Variants in SUGCT observed in about 807,000 individuals in gnomAD.
SUGCT encodes succinyl-CoA:glutarate CoA-transferase.
A neutral mutation model predicts 55.0 loss-of-function variants in SUGCT; 41 were observed. The observed-to-expected ratio is 0.74, with a 90% CI of 0.58 to 0.97. SUGCT has a LOEUF of 0.97. Ranked by LOEUF, SUGCT falls within the 50% of genes least tolerant of loss-of-function variation. SUGCT has a pLI of 0.00. For missense variants in SUGCT, 568 were observed against 547.8 expected (o/e 1.04, Z -0.37); for synonymous variants, 187 against 200.4 (o/e 0.93, Z 0.56).
chr7:40,590,634 T>C (rs970042474), intron 12 of SUGCT, among the ~76,000 whole-genome samples: 3 of 152,166 alleles, frequency 2.0e-5, no homozygotes, highest in African/African-American at 4.8e-5. Context: ...GAAGAAGATA[T>C]CATCTGGACT....
At position 40,150,119 on chromosome 7, in the gene SUGCT, T is replaced by C. The variant is rs111640166; in HGVS notation, c.100+14999T>C. ...AAAAATAATTATGGTTTAGGAGTCATGCGGCCGGAGGCTACAAGATTCTGA... is the reference window on the plus strand; with the variant it reads ...AAAAATAATTATGGTTTAGGAGTCACGCGGCCGGAGGCTACAAGATTCTGA... On this transcript the variant is annotated intron_variant, in intron 1 of 13. Transcript: ENST00000335693. Among the ~76,000 whole-genome samples, 564 of 152,226 alleles carry C rather than the reference T, an allele frequency of 3.7e-3. 6 individuals carry two copies. Among genetic ancestry groups the C allele is most frequent in the African/African-American group, 0.012 (510 of 41,526 alleles).
intron 9 of SUGCT, among the ~76,000 whole-genome samples, chr7:40,338,768 C>G (rs1224995574): frequency 1.3e-5 from 2 of 152,216 alleles, no homozygotes; most frequent in Non-Finnish European, 2.9e-5. Context: ...ATTCTCCATT[C>G]AGCTTTGTTC....
chr7:40,140,598 A>G (rs557151019), intron 1 of SUGCT, among the ~76,000 whole-genome samples: 1 of 152,044 alleles, frequency 6.6e-6, no homozygotes, highest in Non-Finnish European at 1.5e-5. Context: ...ACGGAGTTTC[A>G]CCATGTTGGT....
chr7:40,440,145 GTTTTTTTTTTTTTTTTTT>G (rs138984553), intron 9 of SUGCT, among the ~76,000 whole-genome samples: 1 of 68,438 alleles, frequency 1.5e-5, no homozygotes, highest in African/African-American at 6.7e-5. Flanking sequence ...GTGTGTGTGT[GTTTTTTTTTTTTTTTTTT>G]TTTTTTTTTT....
chr7:40,922,542 A>G, the SUGCT span, among the ~76,000 whole-genome samples: 4 of 152,218 alleles, frequency 2.6e-5, no homozygotes, highest in Non-Finnish European at 1.5e-5. Context: ...CTGACATCAC[A>G]TGCATACTTT....
intron 12 of SUGCT, among the ~76,000 whole-genome samples, chr7:40,584,488 A>G (rs1304513829): frequency 2.0e-5 from 3 of 152,092 alleles, no homozygotes; most frequent in Non-Finnish European, 4.4e-5. Flanking sequence ...GGCTAAGTGA[A>G]CTCCAAGGAG....
intron 8 of SUGCT, 105 bp downstream of exon 8, chr7:40,274,761 C>G (rs1792350636): frequency 9.6e-7 from 1 of 1,037,924 alleles, no homozygotes; most frequent in Non-Finnish European, 1.4e-6. Context: ...AATACAAAAA[C>G]CAACACAACA....
chr7:40,926,877 G>T, the SUGCT span, among the ~76,000 whole-genome samples: 1 of 152,188 alleles, frequency 6.6e-6, no homozygotes, highest in South Asian at 2.1e-4. Flanking sequence ...TTGTTTTTCA[G>T]TCTTTCCATC....
the SUGCT span, among the ~76,000 whole-genome samples, chr7:40,945,485 C>G: frequency 6.6e-6 from 1 of 152,144 alleles, no homozygotes; most frequent in Non-Finnish European, 1.5e-5. Flanking sequence ...GATGCACCCA[C>G]ACCAAGCTCC....
At chr7:41,014,175 G>A in the SUGCT span, among the ~76,000 whole-genome samples, 18 of 152,288 alleles carry the variant, frequency 1.2e-4, no homozygotes, top group African/African-American at 3.6e-4. Flanking sequence ...GTGAGGGTAT[G>A]TGAGACCTCT....
intron 12 of SUGCT, among the ~76,000 whole-genome samples, chr7:40,664,816 T>G (rs1319421849): frequency 6.6e-6 from 1 of 151,484 alleles, no homozygotes; most frequent in Non-Finnish European, 1.5e-5. Flanking sequence ...CCGTCTCTAT[T>G]AAAAATACAA....
chr7:40,833,787 CAG>C (rs35074235), intron 13 of SUGCT, among the ~76,000 whole-genome samples: 26,472 of 152,044 alleles, frequency 0.17, 2,525 homozygotes, highest in East Asian at 0.41. Context: ...GCATTTAGAA[CAG>C]AGAGTTCTCC....
intron 9 of SUGCT, among the ~76,000 whole-genome samples, chr7:40,364,868 T>C (rs1387895862): frequency 8.5e-5 from 13 of 152,106 alleles, no homozygotes; most frequent in Admixed American, 3.9e-4. Context: ...TCTGAAACTA[T>C]TCCAATCAAT....
At chr7:40,569,440 C>G (rs557742339) in intron 12 of SUGCT, among the ~76,000 whole-genome samples, 150 of 152,318 alleles carry the variant, frequency 9.8e-4, no homozygotes, top group African/African-American at 3.4e-3. Context: ...CAGCACATCT[C>G]CGCAGGAACT....
At chr7:40,144,570 C>T (rs111376996) in intron 1 of SUGCT, among the ~76,000 whole-genome samples, 6,603 of 152,082 alleles carry the variant, frequency 0.043, 484 homozygotes, top group African/African-American at 0.15. Context: ...TTTGATGAGA[C>T]CATGATCTTC....
chr7:40,950,925 T>TG, the SUGCT span, among the ~76,000 whole-genome samples: 1 of 152,162 alleles, frequency 6.6e-6, no homozygotes, highest in Non-Finnish European at 1.5e-5. Flanking sequence ...TCTCTTTTTT[T>TG]TTGTTGTGTC....
chr7:40,954,281 G>C, the SUGCT span, among the ~76,000 whole-genome samples: 629 of 152,314 alleles, frequency 4.1e-3, 2 homozygotes, highest in African/African-American at 0.013. Context: ...CTGGTGTGCC[G>C]TTTGTGAAGA....
the SUGCT span, among the ~76,000 whole-genome samples, chr7:40,997,166 A>C: frequency 6.6e-6 from 1 of 152,184 alleles, no homozygotes; most frequent in Admixed American, 6.5e-5. Context: ...GTCCTGAAGA[A>C]AACATTCTCT....
chr7:40,858,403 CAAAAAAAAA>C (rs58628576), intron 13 of SUGCT, among the ~76,000 whole-genome samples: 36 of 34,752 alleles, frequency 1.0e-3, no homozygotes, highest in African/African-American at 2.1e-3. Context: ...AATTCCATCT[CAAAAAAAAA>C]AAAAAAAAAA....
Sources: gnomAD v4.1 joint callset for allele counts (sites outside exome capture counted in the v4.1 genomes callset) on GRCh38, gnomAD v4.1.1 for gene constraint, MANE v1.5 for transcripts, NCBI Gene and HGNC (gene_info 2026-07-23, HGNC 2026-07-21) for gene names.